NT5C1B: variants seen among roughly 807,000 people sequenced by gnomAD.
NT5C1B encodes cytosolic 5'-nucleotidase 1B.
In NT5C1B, 44 loss-of-function variants were observed where a neutral mutation model predicts 57.8. The ratio of observed to expected loss-of-function variants is 0.76; its 90% CI spans 0.60 to 0.98. NT5C1B has a LOEUF of 0.98. NT5C1B is among the 50% of genes least tolerant of loss of function. NT5C1B has a pLI of 0.00. For synonymous variants in NT5C1B, 284 were observed against 282.6 expected, an observed-to-expected ratio of 1.00 and a Z score of -0.05; for missense variants, 742 against 719.5, an observed-to-expected ratio of 1.03 and a Z score of -0.36.
intron 6 of NT5C1B, among the ~76,000 whole-genome samples, chr2:18,580,074 C>G (rs1666048723): frequency 6.6e-6 from 1 of 152,034 alleles, no homozygotes; most frequent in Admixed American, 6.6e-5. Context: ...CAAATCAAAA[C>G]CACAATGAGA....
At chr2:18,585,260 T>C (rs1050720926) in intron 3 of NT5C1B, 25 of 695,850 alleles carry the variant, frequency 3.6e-5, no homozygotes, top group Non-Finnish European at 6.4e-5. Flanking sequence ...GTCCTCTTCC[T>C]CCCCCTTAGG....
At chr2:18,570,512 C>T (rs1358646281) in intron 8 of NT5C1B, among the ~76,000 whole-genome samples, 1 of 151,840 alleles carries the variant, frequency 6.6e-6, no homozygotes, top group African/African-American at 2.4e-5. Flanking sequence ...TTGAAAAATG[C>T]AAGCTCATAA....
chr2:18,586,193 A>G, intron 3 of NT5C1B, 61 bp downstream of exon 3: 1 of 1,582,570 alleles, frequency 6.3e-7, no homozygotes. Context: ...GAAAGCATCA[A>G]TAAATGTTAA....
At chr2:18,586,890 C>A (rs554604985) in intron 2 of NT5C1B, 2 of 1,544,254 alleles carry the variant, frequency 1.3e-6, no homozygotes, top group African/African-American at 1.4e-5. Flanking sequence ...AATGAAGGAC[C>A]CCCCGGAACA....
At chr2:18,576,735 C>A in intron 7 of NT5C1B, 38 bp downstream of exon 7, 9 of 1,610,104 alleles carry the variant, frequency 5.6e-6, no homozygotes, top group Non-Finnish European at 7.6e-6. Flanking sequence ...TTAGTGTAAA[C>A]CTCTTTATTA....
chr2:18,581,179 C>T (rs527642055), intron 6 of NT5C1B, among the ~76,000 whole-genome samples: 4 of 152,240 alleles, frequency 2.6e-5, no homozygotes, highest in South Asian at 2.1e-4. Flanking sequence ...TCATATACTA[C>T]GGGTAAAAGT....
intron 8 of NT5C1B, among the ~76,000 whole-genome samples, chr2:18,571,300 G>A (rs573452829): frequency 6.6e-6 from 1 of 152,194 alleles, no homozygotes; most frequent in South Asian, 2.1e-4. Flanking sequence ...AAATTGTTGC[G>A]AGAACTAACA....
rs148683843 is a variant in NT5C1B, at chr2:18,572,799, T to C, written c.1329+3385A>G. On this transcript the variant is annotated intron_variant, in intron 8 of 8. Coordinates refer to ENST00000304081, the Ensembl canonical transcript of NT5C1B. ...GAAAGAAAAGAAAAATACTGAATAC[T>C]ACCAAAGGCCAGCAACAATGCAAAG... Among the ~76,000 whole-genome samples the C allele has an allele frequency of 3.5e-3, 527 of 152,298 alleles. 4 individuals are homozygous for C. Among genetic ancestry groups the C allele is most frequent in the African/African-American group, 0.012 (507 of 41,586 alleles).
Position 18,584,271 on chromosome 2 carries a change from C to T in NT5C1B, c.724-16G>A. 1.2e-6 allele frequency: 2 copies of T among 1,610,348 alleles called. No homozygotes were observed. The highest frequency in any genetic ancestry group is 1.7e-6 in the Non-Finnish European group (2 of 1,177,650). On this transcript the variant is annotated splice_polypyrimidine_tract_variant and intron_variant, in intron 4 of 8. Coordinates refer to ENST00000304081, the Ensembl canonical transcript of NT5C1B. This position sits in a 1 kb window ranked among gnomAD's most constrained non-coding sequence, Gnocchi z 5.8. Reference sequence around the variant, plus strand: ...TGGGTTTGGGCTGCAGAGAGGGACGCCAAAGGGAGGATAGTCACATAGCCA... The same window carrying T: ...TGGGTTTGGGCTGCAGAGAGGGACGTCAAAGGGAGGATAGTCACATAGCCA...
chr2:18,586,525 TAACTC>T (rs1325335718), intron 2 of NT5C1B, 134 bp from the exon 3 acceptor site: 10 of 1,317,582 alleles, frequency 7.6e-6, no homozygotes, highest in Admixed American at 2.5e-5. Context: ...CAATGACTCT[TAACTC>T]AACCTGAACT....
At chr2:18,586,223 A>G (rs1558389800) in intron 3 of NT5C1B, 31 bp downstream of exon 3, 3 of 1,607,742 alleles carry the variant, frequency 1.9e-6, no homozygotes, top group Admixed American at 1.7e-5. Flanking sequence ...TTATTCTATC[A>G]TCTACTACTC....
chr2:18,571,718 G>GTGTGTGTGTATA (rs1246189018), intron 8 of NT5C1B, among the ~76,000 whole-genome samples: 2 of 111,470 alleles, frequency 1.8e-5, no homozygotes, highest in African/African-American at 6.4e-5. Flanking sequence ...CTGTGTGTGT[G>GTGTGTGTGTATA]TATATATATA....
chr2:18,584,734 C>A lies in NT5C1B; in HGVS notation c.503G>T (p.Arg168Leu). The A allele has an allele frequency of 1.9e-6, 3 of 1,613,228 alleles. No homozygotes were observed. Among genetic ancestry groups the A allele is most frequent in the Non-Finnish European group, 2.5e-6 (3 of 1,179,588 alleles). Residue 168 changes from arginine to leucine, a missense_variant, in exon 4 of 9, where the codon CGG becomes CTG. Transcript: ENST00000304081. The surrounding 1 kb of genome is among the most constrained non-coding windows in gnomAD (Gnocchi z 5.8). ...CGAATATTCCAGCGGCTGCGAGTCC[C>A]GGGTCTGGCGGATTTCCCGCACGAT... is the stretch of plus-strand genomic sequence containing the variant.
intron 2 of NT5C1B, chr2:18,586,788 G>T: frequency 1.2e-6 from 1 of 844,512 alleles, no homozygotes; most frequent in South Asian, 1.8e-5. Flanking sequence ...AAAGGTGAGG[G>T]CAACTGGTGC....
chr2:18,588,717 A>C (rs1473670209), intron 1 of NT5C1B, among the ~76,000 whole-genome samples: 1 of 152,142 alleles, frequency 6.6e-6, no homozygotes, highest in African/African-American at 2.4e-5. Context: ...ATGGCCTTAA[A>C]TCCTCTCCAC....
At chr2:18,588,599 T>C (rs1024600870) in intron 1 of NT5C1B, among the ~76,000 whole-genome samples, 14 of 152,220 alleles carry the variant, frequency 9.2e-5, no homozygotes, top group Non-Finnish European at 1.9e-4. Flanking sequence ...TTCCAAATGA[T>C]ATTTTGAATC....
At chr2:18,576,854 G>T in exon 7 of NT5C1B, 1 of 1,613,764 alleles carries the variant, frequency 6.2e-7, no homozygotes. Context: ...TAGCCAATGG[G>T]GTCTTTTCCC....
At chr2:18,578,799 A>G (rs937963931) in intron 6 of NT5C1B, among the ~76,000 whole-genome samples, 1 of 152,180 alleles carries the variant, frequency 6.6e-6, no homozygotes, top group African/African-American at 2.4e-5. Flanking sequence ...TAGCCAGAGC[A>G]GTCAGGCAAG....
At chr2:18,586,483 A>G (rs1666723352) in intron 2 of NT5C1B, 92 bp from the exon 3 acceptor site, 3 of 1,544,142 alleles carry the variant, frequency 1.9e-6, no homozygotes, top group Non-Finnish European at 2.6e-6. Flanking sequence ...CAGGCTGAAT[A>G]TAGCAGCACC....
Sources: gnomAD v4.1 joint callset for allele counts (sites outside exome capture counted in the v4.1 genomes callset) on GRCh38, gnomAD v4.1.1 for gene constraint, Gnocchi (gnomAD v3.1) non-coding constraint, MANE v1.5 for transcripts, NCBI Gene and HGNC (gene_info 2026-07-23, HGNC 2026-07-21) for gene names.